The following ADAM28 variants were observed in gnomAD, a reference collection of about 807,000 sequenced individuals.
The protein encoded by ADAM28 is disintegrin and metalloproteinase domain-containing protein 28.
A neutral mutation model predicts 101.2 loss-of-function variants in ADAM28; 105 were observed. The ratio of observed to expected loss-of-function variants is 1.04; its 90% CI spans 0.89 to 1.22. ADAM28 has a LOEUF of 1.22. ADAM28 is among the 50% of genes most tolerant of loss of function. The probability of loss-of-function intolerance (pLI) is 0.00; values close to 1 mark genes in which losing one functional copy is unlikely to be tolerated. For synonymous variants in ADAM28, 322 were observed against 310.6 expected (o/e 1.04, Z -0.39); for missense variants, 1,028 against 945.4 (o/e 1.09, Z -1.15).
intron 2 of ADAM28, among the ~76,000 whole-genome samples, chr8:24,309,376 A>G (rs1268308548): frequency 6.6e-6 from 1 of 152,158 alleles, no homozygotes; most frequent in East Asian, 1.9e-4. Flanking sequence ...GTCTGTGTAC[A>G]CTATTCCTTC....
rs1585715666 is a variant in ADAM28 at position 24,343,039 on chromosome 8, C to T, written c.1831-62C>T. 8.7e-6 allele frequency: 14 copies of T among 1,609,806 alleles called. No homozygotes were observed. The East Asian group carries it at 2.9e-4, about 33-fold the overall frequency. ...ACATCTGCTAGCCTCTTCACACAGA[C>T]CTCAACTTTCTCATCTACGTTCAGA... On this transcript the variant is annotated intron_variant, in intron 16 of 22. Coordinates refer to ENST00000265769, the MANE Select transcript of ADAM28 (RefSeq NM_014265.6).
chr8:24,313,249 C>T lies in ADAM28; in HGVS notation c.384-139C>T. 4 of 699,500 alleles carry T rather than the reference C, an allele frequency of 5.7e-6. No homozygotes were observed. The South Asian group carries it at 1.1e-4, about 19-fold the overall frequency. 43.3% of individuals were successfully genotyped at this position (699,500 alleles called of 1,614,324 possible). On this transcript the variant is annotated intron_variant, in intron 5 of 22. Transcript: ENST00000265769. ...AAGGTATCTTCAGCTGTAAGTTTTA[C>T]TGTATTTTATTGCCATGAGCTTAAA...
chr8:24,300,441 G>C (rs1195078043), intron 2 of ADAM28, among the ~76,000 whole-genome samples: 2 of 151,884 alleles, frequency 1.3e-5, no homozygotes, highest in African/African-American at 4.8e-5. Context: ...TTTCCAGACA[G>C]AGTCTCGCTC....
chr8:24,338,573 AAAT>A (rs1454485140), intron 14 of ADAM28, among the ~76,000 whole-genome samples: 3 of 146,348 alleles, frequency 2.0e-5, no homozygotes, highest in African/African-American at 7.6e-5. Context: ...ACTAAGATAC[AAAT>A]AATAAAAAGT....
At chr8:24,305,887 G>T (rs1440112600) in intron 2 of ADAM28, among the ~76,000 whole-genome samples, 2 of 151,938 alleles carry the variant, frequency 1.3e-5, no homozygotes, top group Non-Finnish European at 2.9e-5. Context: ...AATATCTCAG[G>T]TGTCAGGTGA....
chr8:24,352,637 A>G (rs1017528580), intron 21 of ADAM28, among the ~76,000 whole-genome samples: 1 of 152,142 alleles, frequency 6.6e-6, no homozygotes, highest in Non-Finnish European at 1.5e-5. Flanking sequence ...TGACACAAAC[A>G]TACAGTTTAT....
intron 15 of ADAM28, among the ~76,000 whole-genome samples, chr8:24,340,497 A>G (rs1226642823): frequency 6.6e-6 from 1 of 152,192 alleles, no homozygotes; most frequent in African/African-American, 2.4e-5. Context: ...GTGAATGGGA[A>G]GAGAGTGGGT....
rs749476724 is a variant in ADAM28 at position 24,323,956 on chromosome 8, G to T, written c.843G>T (p.Gly281=). The stretch of plus-strand genomic sequence containing the variant: ...TGGAGAATTTTTCTAAATGGAGGGG[G>T]AGTGTTCTCTCAAGAAGAAAGCGTC... ...FTLENFSKWR[G]SVLSRRKRHD... Residue 281 remains glycine, a synonymous_variant, in exon 9 of 23, where the codon GGG becomes GGT. Transcript: ENST00000265769. 6.2e-7 allele frequency: 1 copy of T among 1,612,008 alleles called. No homozygotes were observed. The highest frequency in any genetic ancestry group is 8.5e-7 in the Non-Finnish European group (1 of 1,178,786).
intron 21 of ADAM28, among the ~76,000 whole-genome samples, chr8:24,353,471 C>A (rs960422309): frequency 8.6e-5 from 13 of 151,928 alleles, no homozygotes; most frequent in Admixed American, 8.5e-4. Flanking sequence ...TGAGAAAAAA[C>A]AAGTCATATA....
intron 15 of ADAM28, 87 bp from the exon 16 acceptor site, chr8:24,341,511 A>G (rs1585708468): frequency 7.3e-7 from 1 of 1,370,000 alleles, no homozygotes; most frequent in South Asian, 1.4e-5. Flanking sequence ...ACAGGGAAAA[A>G]TACCATCAGT....
intron 16 of ADAM28, among the ~76,000 whole-genome samples, chr8:24,342,057 C>T (rs1464994106): frequency 6.6e-6 from 1 of 152,184 alleles, no homozygotes; most frequent in Non-Finnish European, 1.5e-5. Context: ...AGATAACACA[C>T]AGTAGCATCC....
chr8:24,350,352 C>T (rs548531931), intron 19 of ADAM28, among the ~76,000 whole-genome samples: 2 of 152,214 alleles, frequency 1.3e-5, no homozygotes, highest in Admixed American at 6.5e-5. Flanking sequence ...CCCTCTGTGG[C>T]CCAGGCTGGA....
intron 6 of ADAM28, among the ~76,000 whole-genome samples, chr8:24,319,256 C>G (rs972319030): frequency 6.6e-6 from 1 of 151,946 alleles, no homozygotes; most frequent in Non-Finnish European, 1.5e-5. Flanking sequence ...TGAGGGCCAG[C>G]TCTTTAGAGA....
chr8:24,335,318 T>G, intron 13 of ADAM28, 128 bp from the exon 14 acceptor site: 1 of 1,406,458 alleles, frequency 7.1e-7, no homozygotes, highest in South Asian at 1.6e-5. Context: ...CAATGTAAGC[T>G]TCAGTGAAAT....
intron 1 of ADAM28, among the ~76,000 whole-genome samples, chr8:24,298,266 C>T (rs1232206046): frequency 6.6e-6 from 1 of 152,116 alleles, no homozygotes; most frequent in Non-Finnish European, 1.5e-5. Context: ...GTAACTCTTA[C>T]ACCACTGAAA....
intron 9 of ADAM28, 35 bp downstream of exon 9, chr8:24,324,038 G>C: frequency 6.3e-7 from 1 of 1,593,920 alleles, no homozygotes; most frequent in Non-Finnish European, 8.6e-7. Flanking sequence ...CACACTATGT[G>C]GTATTTAGTG....
At chr8:24,327,031 G>A (rs995681310) in intron 10 of ADAM28, among the ~76,000 whole-genome samples, 2 of 152,036 alleles carry the variant, frequency 1.3e-5, no homozygotes, top group African/African-American at 2.4e-5. Context: ...ACATAGTATT[G>A]GAAGTTCTGG....
intron 9 of ADAM28, 59 bp downstream of exon 9, chr8:24,324,062 GC>G: frequency 6.4e-7 from 1 of 1,550,784 alleles, no homozygotes; most frequent in Admixed American, 1.7e-5. Context: ...GCTTTTCTGA[GC>G]CTTGGCAAAG....
chr8:24,351,352 T>G, intron 20 of ADAM28, 42 bp downstream of exon 20: 3 of 1,582,274 alleles, frequency 1.9e-6, no homozygotes, highest in Non-Finnish European at 2.6e-6. Context: ...TGGCCCCACT[T>G]TGCGTTTCTC....
Sources: allele counts gnomAD v4.1 joint callset (sites outside exome capture counted in the v4.1 genomes callset), GRCh38; gene constraint gnomAD v4.1.1; transcripts MANE v1.5; gene names NCBI Gene and HGNC (gene_info 2026-07-23, HGNC 2026-07-21).